Variants in GRTP1 observed in about 807,000 individuals in gnomAD.
GRTP1 encodes the protein growth hormone regulated TBC protein 1, also known as growth hormone-regulated TBC protein 1.
A neutral mutation model predicts 38.1 loss-of-function variants in GRTP1; 56 were observed. The ratio of observed to expected loss-of-function variants is 1.47; its 90% CI spans 1.19 to 1.84. GRTP1 has a LOEUF of 1.84. Among genes scored for constraint, GRTP1 ranks in the 40% most tolerant of loss-of-function variants. GRTP1 has a pLI of 0.00. For missense variants in GRTP1, 506 were observed against 453.9 expected (o/e 1.11, Z -1.04); for synonymous variants, 217 against 189.5 (o/e 1.14, Z -1.19).
At chr13:113,350,323 A>G (rs2139493116) in intron 4 of GRTP1, among the ~76,000 whole-genome samples, 2 of 152,204 alleles carry the variant, frequency 1.3e-5, no homozygotes, top group South Asian at 4.1e-4. Context: ...GCTGGTTCAC[A>G]CCACGGAGCC....
intron 5 of GRTP1, among the ~76,000 whole-genome samples, chr13:113,328,286 T>C (rs1166762416): frequency 6.6e-6 from 1 of 152,166 alleles, no homozygotes; most frequent in African/African-American, 2.4e-5. Context: ...GGGGCACAGC[T>C]CTGACACTCC....
At chr13:113,356,093 C>T (rs1292189134) in intron 2 of GRTP1, among the ~76,000 whole-genome samples, 1 of 152,120 alleles carries the variant, frequency 6.6e-6, no homozygotes, top group Non-Finnish European at 1.5e-5. Flanking sequence ...TTAGTCAATA[C>T]TGAGTAATTT....
intron 5 of GRTP1, among the ~76,000 whole-genome samples, chr13:113,332,410 C>A (rs2042890407): frequency 6.6e-6 from 1 of 151,448 alleles, no homozygotes; most frequent in African/African-American, 2.4e-5. Flanking sequence ...CAGGTACACA[C>A]GTGCACACGC....
chr13:113,363,368 C>G (rs980125622), intron 2 of GRTP1, among the ~76,000 whole-genome samples: 2 of 152,184 alleles, frequency 1.3e-5, no homozygotes, highest in Non-Finnish European at 2.9e-5. Flanking sequence ...CCACCACGCC[C>G]GGCTAATTTT....
rs1197877637 is a variant in GRTP1 at position 113,363,800 on chromosome 13, C to T, written c.143G>A (p.Arg48Gln). The T allele has an allele frequency of 6.2e-7, 1 of 1,611,602 alleles. No homozygotes were observed. Among genetic ancestry groups the T allele is most frequent in the African/African-American group, 1.3e-5 (1 of 74,980 alleles). The part of the protein sequence containing the change: ...TLTRRAIKWS[R>Q]LLQGGGVPRS... ...GGGGACGCCCCCGCCCTGCAGCAGC[C>T]GGGACCATTTGATCGCCCTGCGGGT... Residue 48 changes from arginine (R) to glutamine (Q), a missense_variant, in exon 2 of 8, where the codon CGG becomes CAG. Physicochemically the swap from Arg to Gln is conservative, Grantham distance 43. Coordinates refer to ENST00000375431, the MANE Select transcript of GRTP1 (RefSeq NM_024719.4).
chr13:113,347,593 A>AGC (rs2043180251), intron 4 of GRTP1, among the ~76,000 whole-genome samples: 1 of 60,140 alleles, frequency 1.7e-5, no homozygotes, highest in African/African-American at 6.8e-5. Flanking sequence ...TGTGGCTGAG[A>AGC]ACAGACCCGG....
chr13:113,329,447 C>A (rs555379957), intron 5 of GRTP1, among the ~76,000 whole-genome samples: 4 of 150,964 alleles, frequency 2.6e-5, no homozygotes, highest in East Asian at 1.9e-4. Flanking sequence ...GCGTGGTGGC[C>A]AGCACCTGTA....
chr13:113,324,343 G>T lies in GRTP1; in HGVS notation c.*145C>A. ...TGGTAGAATGACCTGATTTTAAACT[G>T]CTCTTTTAAAAAATTCACAACTAAA... On this transcript the variant is annotated 3_prime_UTR_variant, in exon 8 of 8. Transcript: ENST00000375431. The T allele has an allele frequency of 8.2e-7, 1 of 1,223,124 alleles. No homozygotes were observed. Among genetic ancestry groups the T allele is most frequent in the Non-Finnish European group, 1.1e-6 (1 of 943,750 alleles). 75.8% of individuals were successfully genotyped at this position (1,223,124 alleles called of 1,614,324 possible).
chr13:113,337,153 G>C (rs2042965953), intron 5 of GRTP1, among the ~76,000 whole-genome samples: 1 of 152,088 alleles, frequency 6.6e-6, no homozygotes, highest in Non-Finnish European at 1.5e-5. Flanking sequence ...AATTAGCCGG[G>C]CATGGTGGTG....
At chr13:113,352,092 A>C (rs1377357561) in intron 3 of GRTP1, 1 of 127,134 alleles carries the variant, frequency 7.9e-6, no homozygotes, top group Non-Finnish European at 1.6e-5. Flanking sequence ...TTCTTACAAA[A>C]GAGCCTTTTT....
intron 4 of GRTP1, among the ~76,000 whole-genome samples, chr13:113,350,269 C>A (rs2139492887): frequency 6.6e-6 from 1 of 152,256 alleles, no homozygotes; most frequent in Admixed American, 6.5e-5. Flanking sequence ...ATGCGCCCAG[C>A]TAGGTGGCCT....
chr13:113,350,485 A>ATG (rs1357909384), intron 4 of GRTP1, among the ~76,000 whole-genome samples: 6 of 131,034 alleles, frequency 4.6e-5, no homozygotes, highest in Non-Finnish European at 6.4e-5. Context: ...TCCCATACAC[A>ATG]CACCCCATGG....
At chr13:113,347,566 A>G (rs375733521) in intron 4 of GRTP1, among the ~76,000 whole-genome samples, 23 of 76,252 alleles carry the variant, frequency 3.0e-4, no homozygotes, top group Admixed American at 5.5e-4. Context: ...GGCAGAGAGC[A>G]GACCCAGGAG....
At chr13:113,332,442 G>GCACA (rs2042891534) in intron 5 of GRTP1, among the ~76,000 whole-genome samples, 3 of 152,002 alleles carry the variant, frequency 2.0e-5, no homozygotes, top group African/African-American at 7.3e-5. Context: ...GCACACACGT[G>GCACA]CACACGCACA....
rs1462390994 is a variant in GRTP1 at position 113,342,371 on chromosome 13, A to G, written c.562+2492T>C. On this transcript the variant is annotated intron_variant, in intron 5 of 7. Coordinates refer to ENST00000375431, the MANE Select transcript of GRTP1 (RefSeq NM_024719.4). This position sits in a 1 kb window ranked among gnomAD's most constrained non-coding sequence, Gnocchi z 4.5. The stretch of plus-strand genomic sequence containing the variant: ...ATACAAAAAAAAATTGGCCAGGCGT[A>G]GTGGCGGGCGCCTGTAGTCCCAGCT... Among the ~76,000 whole-genome samples the G allele has an allele frequency of 6.6e-6, 1 of 151,638 alleles. No individual in the cohort carries two copies. Among genetic ancestry groups the G allele is most frequent in the African/African-American group, 2.4e-5 (1 of 41,410 alleles).
chr13:113,345,570 T>C (rs890277399), intron 4 of GRTP1, among the ~76,000 whole-genome samples: 3 of 152,224 alleles, frequency 2.0e-5, no homozygotes, highest in Non-Finnish European at 4.4e-5. Context: ...ATTCTCTTCT[T>C]TGTCACTCAT....
intron 2 of GRTP1, among the ~76,000 whole-genome samples, chr13:113,358,257 AC>A (rs2043432702): frequency 1.3e-5 from 2 of 152,220 alleles, no homozygotes; most frequent in Non-Finnish European, 2.9e-5. Flanking sequence ...AAGGAGAAAT[AC>A]TTAGGTAAAA....
At chr13:113,352,435 G>A (rs1394886281) in intron 3 of GRTP1, among the ~76,000 whole-genome samples, 3 of 136,520 alleles carry the variant, frequency 2.2e-5, no homozygotes, top group African/African-American at 7.8e-5. Flanking sequence ...GTGCAGAGGT[G>A]CAATCACGGC....
chr13:113,356,328 T>C (rs9324236), intron 2 of GRTP1, among the ~76,000 whole-genome samples: 150,794 of 152,110 alleles, frequency 0.99, 74,754 homozygotes, highest in Middle Eastern at 1. Context: ...AGTGCAGTGG[T>C]GCAATCTTGG....
Sources: gnomAD v4.1 joint callset for allele counts (sites outside exome capture counted in the v4.1 genomes callset) on GRCh38, gnomAD v4.1.1 for gene constraint, Gnocchi (gnomAD v3.1) non-coding constraint, MANE v1.5 for transcripts, NCBI Gene and HGNC (gene_info 2026-07-23, HGNC 2026-07-21) for gene names.